GPATCH2L: variants seen among roughly 807,000 people sequenced by gnomAD.
GPATCH2L encodes the protein G-patch domain containing 2 like.
GPATCH2L carries 31 observed loss-of-function variants against 57.4 expected under a neutral mutation model. The ratio of observed to expected loss-of-function variants is 0.54; its 90% CI spans 0.41 to 0.73. The LOEUF is 0.73. Among genes scored for constraint, GPATCH2L ranks in the 30% least tolerant of loss-of-function variants. The pLI is 0.00. For synonymous variants in GPATCH2L, 199 were observed against 210.7 expected, an observed-to-expected ratio of 0.94 and a Z score of 0.48; for missense variants, 481 against 599.9, an observed-to-expected ratio of 0.80 and a Z score of 2.07.
chr14:76,201,903 T>C lies in GPATCH2L; in HGVS notation c.*52T>C, dbSNP rs369656974. On this transcript the variant is annotated 3_prime_UTR_variant, in exon 10 of 10. Transcript: ENST00000261530. ...TGACTGGGTGTTGCTGAAGCAAATG[T>C]TGGACTTTGTGTTAGATAGTCTTGC... 2.6e-6 allele frequency: 4 copies of C among 1,524,940 alleles called. No individual in the cohort carries two copies. The South Asian group carries it at 3.5e-5, about 13-fold the overall frequency. The allele number at this position is 1,524,940 out of a possible 1,614,324, so 94.5% of individuals were successfully genotyped here.
At chr14:76,152,639 G>C (rs1321887589) in intron 1 of GPATCH2L, 1 of 456,042 alleles carries the variant, frequency 2.2e-6, no homozygotes, top group Admixed American at 2.3e-5. Context: ...GAGATGGGGA[G>C]TTCTAGGGTT....
intron 9 of GPATCH2L, among the ~76,000 whole-genome samples, chr14:76,199,933 T>A (rs1226635599): frequency 6.6e-6 from 1 of 152,192 alleles, no homozygotes; most frequent in Non-Finnish European, 1.5e-5. Context: ...CATTGCTGGA[T>A]GAATGGATGA....
chr14:76,154,398 T>G lies in GPATCH2L; in HGVS notation c.35T>G (p.Leu12Trp). 6.2e-7 allele frequency: 1 copy of G among 1,609,336 alleles called. No homozygotes were observed. The highest frequency in any genetic ancestry group is 8.5e-7 in the Non-Finnish European group (1 of 1,175,926). The change falls in exon 2 of 10, where the codon TTG (leucine) becomes TGG (tryptophan). Residue 12 changes from leucine (L) to tryptophan (W), a missense_variant. Leu to Trp is a moderately conservative substitution (Grantham distance 61). Around this residue, in one of 3 missense-constraint regions of GPATCH2L, gnomAD observed 208 missense variants for 272.4 expected, o/e 0.76. Transcript: ENST00000261530. This position sits in a 1 kb window ranked among gnomAD's most constrained non-coding sequence, Gnocchi z 4.4. ...DELVHDLASA[L>W]EQTSEQNKLG... ...CTGGTACACGACTTAGCCTCAGCCTTGGAGCAGACATCTGAGCAGAATAAG... is the reference window on the plus strand; with the variant it reads ...CTGGTACACGACTTAGCCTCAGCCTGGGAGCAGACATCTGAGCAGAATAAG...
At chr14:76,162,751 A>G (rs1253123508) in intron 2 of GPATCH2L, among the ~76,000 whole-genome samples, 1 of 152,184 alleles carries the variant, frequency 6.6e-6, no homozygotes, top group Non-Finnish European at 1.5e-5. Flanking sequence ...CTGAGAGTAT[A>G]TTTTGGTGTA....
At chr14:76,221,246 G>C (rs1218569705) in intron 1 of GPATCH2L, among the ~76,000 whole-genome samples, 1 of 151,484 alleles carries the variant, frequency 6.6e-6, no homozygotes, top group African/African-American at 2.4e-5. Context: ...TATACAGATG[G>C]AAAATAAGCA....
intron 5 of GPATCH2L, chr14:76,175,660 A>T (rs2039291051): frequency 6.6e-6 from 1 of 152,294 alleles, no homozygotes; most frequent in East Asian, 1.9e-4. Flanking sequence ...AATATAGTAT[A>T]TGAAAACTTC....
chr14:76,226,977 G>T (rs776356069), intron 1 of GPATCH2L, among the ~76,000 whole-genome samples: 1 of 152,130 alleles, frequency 6.6e-6, no homozygotes, highest in African/African-American at 2.4e-5. Flanking sequence ...GCATGGAGAG[G>T]TGTTTCTGAG....
chr14:76,209,109 A>G lies in GPATCH2L; in HGVS notation c.*7258A>G, dbSNP rs2121074. The G allele has an allele frequency of 0.4, 60,356 of 152,144 alleles. 14,212 individuals carry two copies. The highest frequency in any genetic ancestry group is 0.56 in the South Asian group (2,678 of 4,822). 9.4% of individuals were successfully genotyped at this position (152,144 alleles called of 1,614,324 possible). On this transcript the variant is annotated 3_prime_UTR_variant, in exon 10 of 10. Transcript: ENST00000261530. ...GGTTGATTTTTATGACACTGATGCT[A>G]TATAACCACTTCCTTCTTTGGAATG...
chr14:76,192,961 G>A (rs2040027070), intron 8 of GPATCH2L, among the ~76,000 whole-genome samples: 2 of 152,064 alleles, frequency 1.3e-5, no homozygotes, highest in South Asian at 4.1e-4. Context: ...GTAATATGCT[G>A]GAGGCATAGC....
intron 8 of GPATCH2L, among the ~76,000 whole-genome samples, chr14:76,182,585 C>CAAAA (rs66602777): frequency 2.0e-3 from 166 of 84,516 alleles, no homozygotes; most frequent in South Asian, 0.01. Context: ...GACCCTGTCT[C>CAAAA]AAAAAAAAAA....
intron 2 of GPATCH2L, among the ~76,000 whole-genome samples, chr14:76,232,805 A>T (rs973579705): frequency 6.6e-6 from 1 of 152,146 alleles, no homozygotes; most frequent in African/African-American, 2.4e-5. Context: ...CACATGGAAT[A>T]TTGGCAACCA....
chr14:76,170,474 A>G (rs2039036193), intron 3 of GPATCH2L: 1 of 152,198 alleles, frequency 6.6e-6, no homozygotes, highest in African/African-American at 2.4e-5. Flanking sequence ...AACAGTCTGG[A>G]TATATGGATC....
chr14:76,175,631 A>C (rs577890895), intron 5 of GPATCH2L: 135 of 152,334 alleles, frequency 8.9e-4, no homozygotes, highest in African/African-American at 3.2e-3. Context: ...CATAGCTATA[A>C]GAAATGCAGA....
intron 3 of GPATCH2L, among the ~76,000 whole-genome samples, chr14:76,171,323 C>A (rs1470438258): frequency 6.6e-6 from 1 of 151,282 alleles, no homozygotes; most frequent in Non-Finnish European, 1.5e-5. Context: ...GCCTGTAATC[C>A]CAGCACTTTG....
At position 76,178,279 on chromosome 14, in the gene GPATCH2L, C is replaced by A. The variant is rs949200283; in HGVS notation, c.1107+237C>A. 5 of 1,468,658 alleles carry A rather than the reference C, an allele frequency of 3.4e-6. No homozygotes were observed. In the East Asian group the frequency reaches 1.1e-4, roughly 33 times the overall value. 91.0% of individuals were successfully genotyped at this position (1,468,658 alleles called of 1,614,324 possible). On this transcript the variant is annotated intron_variant, in intron 7 of 9. Transcript: ENST00000261530. ...GGTTTAGTTCAACATCAGAATCCTGCGTTGAGAAGTACTATGTTGAAGCCT... is the reference window on the plus strand; with the variant it reads ...GGTTTAGTTCAACATCAGAATCCTGAGTTGAGAAGTACTATGTTGAAGCCT...
intron 2 of GPATCH2L, among the ~76,000 whole-genome samples, chr14:76,156,152 TG>T (rs1187079224): frequency 6.6e-6 from 1 of 152,222 alleles, no homozygotes; most frequent in Non-Finnish European, 1.5e-5. Context: ...GTGCCAAAAC[TG>T]GGAATCAAGC....
intron 9 of GPATCH2L, among the ~76,000 whole-genome samples, chr14:76,200,630 C>CTA (rs1449500481): frequency 6.6e-6 from 1 of 152,038 alleles, no homozygotes; most frequent in Admixed American, 6.5e-5. Context: ...TACATTAGCC[C>CTA]ACAATAAGAA....
chr14:76,214,602 A>T (rs1361625270), downstream of GPATCH2L, among the ~76,000 whole-genome samples: 1 of 152,216 alleles, frequency 6.6e-6, no homozygotes, highest in Non-Finnish European at 1.5e-5. Flanking sequence ...GAAGGGAACT[A>T]GTTAGCTCTC....
intron 1 of GPATCH2L, among the ~76,000 whole-genome samples, chr14:76,227,214 A>G (rs1299009578): frequency 6.6e-6 from 1 of 152,220 alleles, no homozygotes; most frequent in African/African-American, 2.4e-5. Context: ...AAACTTCCAC[A>G]GCATCAGATA....
Sources: gnomAD v4.1 joint callset for allele counts (sites outside exome capture counted in the v4.1 genomes callset) on GRCh38, gnomAD v4.1.1 for gene constraint, gnomAD v4.1.1 regional missense constraint, Gnocchi (gnomAD v3.1) non-coding constraint, MANE v1.5 for transcripts, NCBI Gene and HGNC (gene_info 2026-07-23, HGNC 2026-07-21) for gene names.